Variants in DLG2 observed in about 807,000 individuals in gnomAD.
DLG2 encodes the protein discs large MAGUK scaffold protein 2.
A neutral mutation model predicts 132.5 loss-of-function variants in DLG2; 45 were observed. The observed-to-expected ratio is 0.34, with a 90% CI of 0.27 to 0.44. The LOEUF (loss-of-function observed/expected upper bound fraction) is 0.44. Ranked by LOEUF, DLG2 falls within the 20% of genes least tolerant of loss-of-function variation. The pLI is 1.00. For missense variants in DLG2, 1,045 were observed against 1,196.9 expected (o/e 0.87, Z 1.87); for synonymous variants, 424 against 419.6 (o/e 1.01, Z -0.13).
chr11:84,692,261 G>T (rs1297849670), intron 6 of DLG2, among the ~76,000 whole-genome samples: 2 of 151,574 alleles, frequency 1.3e-5, no homozygotes, highest in African/African-American at 2.4e-5. Flanking sequence ...TTTAAATTTA[G>T]CATGGTATGC....
At chr11:85,131,978 T>A (rs1296711147) in intron 5 of DLG2, among the ~76,000 whole-genome samples, 1 of 152,188 alleles carries the variant, frequency 6.6e-6, no homozygotes, top group Non-Finnish European at 1.5e-5. Context: ...TGAATAAATG[T>A]CTATAATTAG....
chr11:83,859,234 G>T (rs1474790360), intron 16 of DLG2, among the ~76,000 whole-genome samples: 1 of 152,218 alleles, frequency 6.6e-6, no homozygotes, highest in Non-Finnish European at 1.5e-5. Flanking sequence ...TTTGGAACTG[G>T]GTAACAAGTA....
chr11:85,122,857 C>T (rs2074495088), intron 5 of DLG2, among the ~76,000 whole-genome samples: 5 of 147,248 alleles, frequency 3.4e-5, no homozygotes. Flanking sequence ...CATAAATGCA[C>T]ACACATATAC....
chr11:84,112,050 T>C (rs2093375678), intron 9 of DLG2, among the ~76,000 whole-genome samples: 1 of 152,142 alleles, frequency 6.6e-6, no homozygotes, highest in South Asian at 2.1e-4. Context: ...TCTCACTCTG[T>C]TGCCCAGACT....
chr11:85,621,258 T>A lies in DLG2; in HGVS notation c.-93+5329A>T, dbSNP rs532021625. 1.9e-3 allele frequency among the ~76,000 whole-genome samples: 286 copies of A among 152,248 alleles called. 2 individuals carry two copies. Among genetic ancestry groups the A allele is most frequent in the Admixed American group, 5.2e-3 (79 of 15,298 alleles). On this transcript the variant is annotated intron_variant, in intron 2 of 27. Coordinates refer to ENST00000376104, the MANE Select transcript of DLG2 (RefSeq NM_001142699.3). ...ATTCCTTTCCAAATATTACTACTCA[T>A]TGACAATGCACCTAGTCACCCAAGA...
Position 85,252,746 on chromosome 11 carries a change from G to T in DLG2, c.186+32474C>A, listed in dbSNP as rs774673168. On this transcript the variant is annotated intron_variant, in intron 4 of 27. Coordinates refer to ENST00000376104, the MANE Select transcript of DLG2 (RefSeq NM_001142699.3). ...TTTATGTATTTATATATACAGAATT[G>T]TAGGGAATTGAAAGCATGAGGAAAG... Among the ~76,000 whole-genome samples the T allele has an allele frequency of 1.3e-3, 193 of 152,016 alleles. 2 individuals carry two copies. The highest frequency in any genetic ancestry group is 3.3e-3 in the Admixed American group (51 of 15,234).
intron 6 of DLG2, among the ~76,000 whole-genome samples, chr11:84,788,584 A>T (rs1044743265): frequency 1.4e-4 from 21 of 152,072 alleles, no homozygotes; most frequent in African/African-American, 4.8e-4. Flanking sequence ...TAACGTATAT[A>T]CAATGTTTCC....
chr11:84,605,453 C>A (rs1324869652), intron 6 of DLG2, among the ~76,000 whole-genome samples: 6 of 151,734 alleles, frequency 4.0e-5, no homozygotes, highest in African/African-American at 1.5e-4. Context: ...TATTATTAAT[C>A]TTTTAAAATA....
intron 6 of DLG2, among the ~76,000 whole-genome samples, chr11:84,942,634 G>A (rs2049602090): frequency 6.6e-6 from 1 of 151,996 alleles, no homozygotes; most frequent in South Asian, 2.1e-4. Context: ...CTTGTTTCAT[G>A]GCCCAACATA....
At chr11:83,590,085 G>C (rs1450989160) in intron 19 of DLG2, among the ~76,000 whole-genome samples, 5 of 112,214 alleles carry the variant, frequency 4.5e-5, no homozygotes, top group Non-Finnish European at 9.1e-5. Flanking sequence ...AGATCAACGA[G>C]ACAGAAGTCA....
chr11:83,881,047 T>A (rs931034485), intron 15 of DLG2, among the ~76,000 whole-genome samples: 4 of 151,828 alleles, frequency 2.6e-5, no homozygotes, highest in Admixed American at 1.3e-4. Flanking sequence ...TCCATTTTTT[T>A]AAAAAAAATG....
At chr11:85,249,699 C>T (rs1031015108) in intron 4 of DLG2, among the ~76,000 whole-genome samples, 1 of 151,978 alleles carries the variant, frequency 6.6e-6, no homozygotes. Flanking sequence ...CCAAAGACAC[C>T]ATGTTTATAT....
chr11:84,785,377 G>T (rs1347750037), intron 6 of DLG2, among the ~76,000 whole-genome samples: 1 of 151,948 alleles, frequency 6.6e-6, no homozygotes, highest in African/African-American at 2.4e-5. Flanking sequence ...TCAAACTGAG[G>T]AGCAATATTT....
intron 6 of DLG2, among the ~76,000 whole-genome samples, chr11:84,750,150 CT>C (rs904164498): frequency 4.6e-5 from 7 of 151,424 alleles, no homozygotes; most frequent in East Asian, 1.9e-4. Context: ...TTGCTCTGTA[CT>C]TTTTTTTTCC....
chr11:83,680,911 A>G (rs2078673991), intron 18 of DLG2, among the ~76,000 whole-genome samples: 1 of 152,120 alleles, frequency 6.6e-6, no homozygotes, highest in Non-Finnish European at 1.5e-5. Flanking sequence ...TTTCAAAGAG[A>G]TGCTAAAATG....
At chr11:85,355,766 A>T (rs2083643690) in intron 3 of DLG2, among the ~76,000 whole-genome samples, 1 of 152,204 alleles carries the variant, frequency 6.6e-6, no homozygotes, top group African/African-American at 2.4e-5. Flanking sequence ...TATATATAGG[A>T]TAACAATTTC....
At chr11:83,939,942 A>G (rs2082282491) in intron 14 of DLG2, among the ~76,000 whole-genome samples, 1 of 152,226 alleles carries the variant, frequency 6.6e-6, no homozygotes, top group South Asian at 2.1e-4. Flanking sequence ...AGGAAGGATA[A>G]GGTGGCTTTA....
intron 7 of DLG2, among the ~76,000 whole-genome samples, chr11:84,252,548 T>A (rs112817904): frequency 0.021 from 3,214 of 152,128 alleles, 37 homozygotes; most frequent in South Asian, 0.026. Flanking sequence ...TTCTTTTTTT[T>A]AAAAAAATTG....
chr11:84,497,772 T>A (rs186215753), intron 7 of DLG2, among the ~76,000 whole-genome samples: 70 of 152,262 alleles, frequency 4.6e-4, no homozygotes, highest in African/African-American at 1.7e-3. Flanking sequence ...ATCAATGACA[T>A]TCACATGCCG....
Sources: allele counts gnomAD v4.1 joint callset (sites outside exome capture counted in the v4.1 genomes callset), GRCh38; gene constraint gnomAD v4.1.1; transcripts MANE v1.5; gene names NCBI Gene and HGNC (gene_info 2026-07-23, HGNC 2026-07-21).